The following CEP170 variants were observed in gnomAD, a reference collection of about 807,000 sequenced individuals.
CEP170 encodes the protein centrosomal protein 170.
In CEP170, 21 loss-of-function variants were observed where a neutral mutation model predicts 151.9. The ratio of observed to expected loss-of-function variants is 0.14; its 90% confidence interval spans 0.10 to 0.20. The LOEUF is 0.20. Ranked by LOEUF, CEP170 falls within the 10% of genes least tolerant of loss-of-function variation. The probability of loss-of-function intolerance (pLI) is 1.00; values close to 1 mark genes in which losing one functional copy is unlikely to be tolerated. For missense variants in CEP170, 964 were observed against 1,892.9 expected, an observed-to-expected ratio of 0.51 and a Z score of 9.11; for synonymous variants, 356 against 648.8, an observed-to-expected ratio of 0.55 and a Z score of 6.86.
In CEP170 at chr1:243,142,521, A is replaced by C. The variant is rs573608341; in HGVS notation, c.3912-58T>G. ...CTTTTAAATAAACAGCTCTAAAAACAATCATTTATGAGATAATCAGTCATG... is the reference window on the plus strand; with the variant it reads ...CTTTTAAATAAACAGCTCTAAAAACCATCATTTATGAGATAATCAGTCATG... On this transcript the variant is annotated intron_variant, in intron 14 of 19. Coordinates refer to ENST00000366542, the MANE Select transcript of CEP170 (RefSeq NM_014812.3). 23 of 1,539,864 alleles carry C rather than the reference A, an allele frequency of 1.5e-5. No individual in the cohort carries two copies. In the East Asian group the frequency reaches 5.1e-4, roughly 34 times the overall value.
Position 243,200,755 on chromosome 1 carries a change from G to T in CEP170, c.333+22C>A, listed in dbSNP as rs865913405. 25 of 1,608,118 alleles carry T rather than the reference G, an allele frequency of 1.6e-5. No individual in the cohort carries two copies. In the Middle Eastern group the frequency reaches 6.6e-4, roughly 43 times the overall value. Reference sequence around the variant, plus strand: ...CATAGTGAAGAGTAGATTTGCAAAAGAAGTTAAGTAAAAACTGTTACCTTA... The same window carrying T: ...CATAGTGAAGAGTAGATTTGCAAAATAAGTTAAGTAAAAACTGTTACCTTA... On this transcript the variant is annotated intron_variant, in intron 5 of 19. Transcript: ENST00000366542.
intron 12 of CEP170, 64 bp downstream of exon 12, chr1:243,169,564 A>G (rs773684584): frequency 6.0e-6 from 9 of 1,498,000 alleles, no homozygotes; most frequent in South Asian, 3.8e-5. Context: ...GAGTAAGAGA[A>G]AGAGAGAGAA....
chr1:243,242,761 C>T (rs1020894725), intron 1 of CEP170, among the ~76,000 whole-genome samples: 13 of 152,080 alleles, frequency 8.5e-5, no homozygotes, highest in Admixed American at 4.6e-4. Flanking sequence ...AGTGCAGTGG[C>T]GCAATCTCGG....
intron 12 of CEP170, chr1:243,169,319 A>C (rs538609265): frequency 3.9e-4 from 100 of 255,470 alleles, no homozygotes; most frequent in Non-Finnish European, 6.5e-4. Flanking sequence ...CAACTTACGA[A>C]GTCCACAAAA....
chr1:243,197,648 A>C (rs1216630977), intron 7 of CEP170, among the ~76,000 whole-genome samples: 9 of 151,962 alleles, frequency 5.9e-5, no homozygotes, highest in Non-Finnish European at 1.2e-4. Flanking sequence ...AGTGAGGGTA[A>C]ACTCCTCAGT....
chr1:243,227,319 T>C (rs1292217307), intron 1 of CEP170, among the ~76,000 whole-genome samples: 1 of 152,168 alleles, frequency 6.6e-6, no homozygotes, highest in Admixed American at 6.5e-5. Context: ...GCTCACGTTG[T>C]CTGTCAAACA....
intron 7 of CEP170, among the ~76,000 whole-genome samples, chr1:243,192,676 G>A (rs1317612374): frequency 1.3e-5 from 2 of 152,192 alleles, no homozygotes; most frequent in African/African-American, 4.8e-5. Flanking sequence ...TGAAGCGTTT[G>A]GTCTTTTGAA....
In CEP170 at chr1:243,200,742, T is replaced by C. The variant is rs752276309; in HGVS notation, c.333+35A>G. On this transcript the variant is annotated intron_variant, in intron 5 of 19. Coordinates refer to ENST00000366542, the MANE Select transcript of CEP170 (RefSeq NM_014812.3). ...AAGTAAAATCAACCATAGTGAAGAG[T>C]AGATTTGCAAAAGAAGTTAAGTAAA... The C allele has an allele frequency of 2.5e-6, 4 of 1,608,782 alleles. No homozygotes were observed. The South Asian group carries it at 3.3e-5, about 13-fold the overall frequency.
chr1:243,214,644 C>A (rs1367940868), intron 3 of CEP170, among the ~76,000 whole-genome samples: 2 of 150,872 alleles, frequency 1.3e-5, no homozygotes, highest in Non-Finnish European at 3.0e-5. Flanking sequence ...AGAAATAATA[C>A]ACTAGAATTA....
chr1:243,237,246 A>G (rs1393606500), intron 1 of CEP170, among the ~76,000 whole-genome samples: 1 of 152,182 alleles, frequency 6.6e-6, no homozygotes, highest in Non-Finnish European at 1.5e-5. Context: ...CTATACCAGC[A>G]CTGTGCAACA....
intron 1 of CEP170, among the ~76,000 whole-genome samples, chr1:243,245,638 C>T (rs1165600732): frequency 4.6e-5 from 7 of 151,686 alleles, no homozygotes; most frequent in Non-Finnish European, 8.8e-5. Flanking sequence ...TGCTTGAACC[C>T]GCGAGGCAGA....
At chr1:243,134,649 C>T (rs1221890434) in intron 17 of CEP170, among the ~76,000 whole-genome samples, 1 of 151,896 alleles carries the variant, frequency 6.6e-6, no homozygotes, top group Non-Finnish European at 1.5e-5. Context: ...AGGCATGTGC[C>T]ACCATGCCCA....
intron 7 of CEP170, among the ~76,000 whole-genome samples, chr1:243,198,606 A>G (rs1447652907): frequency 6.6e-6 from 1 of 152,154 alleles, no homozygotes; most frequent in Non-Finnish European, 1.5e-5. Flanking sequence ...CAGGAGTTCA[A>G]GACTAGCCTG....
chr1:243,149,283 C>T (rs961793844), intron 14 of CEP170, among the ~76,000 whole-genome samples: 4 of 152,140 alleles, frequency 2.6e-5, no homozygotes. Context: ...CTATCTCCAC[C>T]AGAGACAAAA....
At chr1:243,243,991 T>G (rs1002965749) in intron 1 of CEP170, among the ~76,000 whole-genome samples, 3 of 152,208 alleles carry the variant, frequency 2.0e-5, no homozygotes, top group Non-Finnish European at 2.9e-5. Flanking sequence ...ATTTTTTAAC[T>G]GTCTTTTTTT....
chr1:243,192,680 T>G (rs2060384602), intron 7 of CEP170, among the ~76,000 whole-genome samples: 1 of 152,262 alleles, frequency 6.6e-6, no homozygotes, highest in Non-Finnish European at 1.5e-5. Flanking sequence ...GCGTTTGGTC[T>G]TTTGAAACAT....
intron 7 of CEP170, 64 bp from the exon 8 acceptor site, chr1:243,191,558 G>T (rs1479272360): frequency 7.2e-6 from 10 of 1,380,172 alleles, no homozygotes; most frequent in Non-Finnish European, 8.9e-6. Flanking sequence ...AGGGAGTCTG[G>T]TAATGGCCAT....
rs375820692 is a variant in CEP170, at chr1:243,255,124, C to CTCGTCG, written c.-132_-127dup. The CTCGTCG allele has an allele frequency of 2.6e-5, 4 of 153,426 alleles. No homozygotes were observed. The highest frequency in any genetic ancestry group is 2.0e-4 in the Admixed American group (3 of 15,288). The allele number at this position is 153,426 out of a possible 1,614,324, so 9.5% of individuals were successfully genotyped here. A position where few individuals can be genotyped will look rare whatever the true frequency, so the allele number is the denominator to read the frequency against. On this transcript the variant is annotated 5_prime_UTR_variant, in exon 1 of 20. Transcript: ENST00000366542. ...CTCTCGCACGCCGTCCTCCCCCCAC[C>CTCGTCG]TCGTCGTCGTCGTCGTCGCCGCTGT...
chr1:243,156,722 A>C (rs1407320850), intron 13 of CEP170: 8 of 315,458 alleles, frequency 2.5e-5, no homozygotes, highest in African/African-American at 1.7e-4. Context: ...CAGATGAAAA[A>C]TTTCGCTAAT....
Sources: allele counts gnomAD v4.1 joint callset (sites outside exome capture counted in the v4.1 genomes callset), GRCh38; gene constraint gnomAD v4.1.1; transcripts MANE v1.5; gene names NCBI Gene and HGNC (gene_info 2026-07-23, HGNC 2026-07-21).